Variants in VAV2 observed in about 807,000 individuals in gnomAD.
VAV2 encodes guanine nucleotide exchange factor VAV2.
Under a neutral mutation model 132.5 loss-of-function variants are expected in VAV2, and 67 were observed. The observed-to-expected ratio is 0.51, with a 90% confidence interval of 0.42 to 0.62. The LOEUF is 0.62. Ranked by LOEUF, VAV2 falls within the 20% of genes least tolerant of loss-of-function variation. VAV2 has a pLI of 0.00. For missense variants in VAV2, 938 were observed against 1,153.6 expected (o/e 0.81, Z 2.71); for synonymous variants, 492 against 443.5 (o/e 1.11, Z -1.37).
Position 133,834,768 on chromosome 9 carries a change from C to T in VAV2, c.381-428G>A, listed in dbSNP as rs1185194991. 2.0e-5 allele frequency among the ~76,000 whole-genome samples: 3 copies of T among 152,174 alleles called. No homozygotes were observed. Among genetic ancestry groups the T allele is most frequent in the Non-Finnish European group, 2.9e-5 (2 of 68,022 alleles). ...GTGGGAGGGCTGCCAGCTCAGTCCA[C>T]GCAGGAGAGGAAGCAGGAGGGGACT... is the stretch of plus-strand genomic sequence containing the variant. On this transcript the variant is annotated intron_variant, in intron 3 of 29. Transcript: ENST00000371850. The surrounding 1 kb of genome is among the most constrained non-coding windows in gnomAD (Gnocchi z 5.9).
In VAV2 at chr9:133,989,691, G is replaced by GA. The variant is rs1243396575; in HGVS notation, c.204+2383dup. Reference sequence around the variant, plus strand: ...CAGAGCAAGACTCCATCTCCAAAAAGAAAAAAAAAAGTGAGTTTCCCAGAA... The same window carrying GA: ...CAGAGCAAGACTCCATCTCCAAAAAGAAAAAAAAAAAGTGAGTTTCCCAGAA... On this transcript the variant is annotated intron_variant, in intron 1 of 29. Transcript: ENST00000371850. Among the ~76,000 whole-genome samples the GA allele has an allele frequency of 3.2e-3, 469 of 148,534 alleles. 1 individual carries two copies. The highest frequency in any genetic ancestry group is 0.011 in the African/African-American group (443 of 40,574).
chr9:133,887,754 C>G (rs1172922148), intron 2 of VAV2, among the ~76,000 whole-genome samples: 1 of 152,120 alleles, frequency 6.6e-6, no homozygotes, highest in Admixed American at 6.5e-5. Context: ...CGGCGATCAG[C>G]GAGGCCAGGA....
rs149290815 is a variant in VAV2 at position 133,950,041 on chromosome 9, C to T, written c.205-10822G>A. ...GAACCCCAGTGCTGGGGCTCCCACCCGCTGCCAGGGTCTGTCTGTCCACAG... is the reference window on the plus strand; with the variant it reads ...GAACCCCAGTGCTGGGGCTCCCACCTGCTGCCAGGGTCTGTCTGTCCACAG... On this transcript the variant is annotated intron_variant, in intron 1 of 29. Coordinates refer to ENST00000371850, the MANE Select transcript of VAV2 (RefSeq NM_001134398.2). Among the ~76,000 whole-genome samples, 1,021 of 152,296 alleles carry T rather than the reference C, an allele frequency of 6.7e-3. 9 individuals are homozygous for T. Among genetic ancestry groups the T allele is most frequent in the African/African-American group, 0.02 (832 of 41,564 alleles).
chr9:133,861,484 G>T (rs750975090), intron 2 of VAV2, 52 bp from the exon 3 acceptor site: 199 of 1,599,744 alleles, frequency 1.2e-4, no homozygotes, highest in Non-Finnish European at 1.6e-4. Context: ...AACCAGAAAG[G>T]CATCACAGAA....
Position 133,763,991 on chromosome 9 carries a change from G to T in VAV2, c.*71C>A. ...TATTTCCCCTCTGAGTCACAGAGGA[G>T]CTAGAGACAGACTTCAGGGCTGGAG... On this transcript the variant is annotated 3_prime_UTR_variant, in exon 30 of 30. Transcript: ENST00000371850. This position sits in a 1 kb window ranked among gnomAD's most constrained non-coding sequence, Gnocchi z 6.8. 1.9e-6 allele frequency: 3 copies of T among 1,573,788 alleles called. 1 individual carries two copies. In the South Asian group the frequency reaches 3.3e-5, roughly 17 times the overall value.
At position 133,768,508 on chromosome 9, in the gene VAV2, G is replaced by T. The variant is rs764709519; in HGVS notation, c.2523C>A (p.Asp841Glu). Residue 841 changes from aspartate (D) to glutamate (E), a missense_variant, in exon 29 of 30, where the codon GAC becomes GAA. Asp to Glu is a conservative substitution (Grantham distance 45). Coordinates refer to ENST00000371850, the MANE Select transcript of VAV2 (RefSeq NM_001134398.2). This position sits in a 1 kb window ranked among gnomAD's most constrained non-coding sequence, Gnocchi z 5.3. The stretch of plus-strand genomic sequence containing the variant: ...CGATGCGGCTGTAGATCCTCACCAC[G>T]TCACCCTCCCGCAGCGAAAGCTCCC... ...DMRELSLREG[D>E]VVRIYSRIGG... The T allele has an allele frequency of 1.2e-6, 2 of 1,613,932 alleles. No homozygotes were observed. The highest frequency in any genetic ancestry group is 3.3e-5 in the Admixed American group (2 of 60,004).
rs1491140269 is a variant in VAV2, at chr9:133,783,487, TGA to T, written c.1723+14_1723+15del. 1 of 1,489,964 alleles carries T rather than the reference TGA, an allele frequency of 6.7e-7. No individual in the cohort carries two copies. The highest frequency in any genetic ancestry group is 9.0e-7 in the Non-Finnish European group (1 of 1,116,598). The allele number at this position is 1,489,964 out of a possible 1,614,324, so 92.3% of individuals were successfully genotyped here. A position where few individuals can be genotyped will look rare whatever the true frequency, so the allele number is the denominator to read the frequency against. ...GTGGCCAGGGACTGGGGTGGGGGGG[TGA>T]GGGGGGTACTCACTGAACTTGCAGG... is the stretch of plus-strand genomic sequence containing the variant. On this transcript the variant is annotated intron_variant, in intron 19 of 29. Transcript: ENST00000371850.
intron 3 of VAV2, among the ~76,000 whole-genome samples, chr9:133,847,507 C>T (rs1398646218): frequency 6.6e-6 from 1 of 152,180 alleles, no homozygotes; most frequent in African/African-American, 2.4e-5. Flanking sequence ...CTGGTTTTCT[C>T]AGCTGTCAGA....
chr9:133,990,332 C>A (rs1842976641), intron 1 of VAV2, among the ~76,000 whole-genome samples: 1 of 152,182 alleles, frequency 6.6e-6, no homozygotes, highest in African/African-American at 2.4e-5. Flanking sequence ...CGTATTGCTG[C>A]CTGGCCAATG....
Position 133,826,363 on chromosome 9 carries a change from C to T in VAV2, c.449+7909G>A, listed in dbSNP as rs142323723. On this transcript the variant is annotated intron_variant, in intron 4 of 29. Coordinates refer to ENST00000371850, the MANE Select transcript of VAV2 (RefSeq NM_001134398.2). The surrounding 1 kb of genome is among the most constrained non-coding windows in gnomAD (Gnocchi z 4.2). ...TGGCCCCAGAATCTCCCTCCCCGCT[C>T]GCACTCAGGGGCAGCTCTCCCTTCA... Among the ~76,000 whole-genome samples, 663 of 152,330 alleles carry T rather than the reference C, an allele frequency of 4.4e-3. 3 individuals carry two copies. The highest frequency in any genetic ancestry group is 0.015 in the African/African-American group (623 of 41,564).
At chr9:133,869,099 C>T (rs752896834) in intron 2 of VAV2, among the ~76,000 whole-genome samples, 2 of 151,908 alleles carry the variant, frequency 1.3e-5, no homozygotes, top group Non-Finnish European at 2.9e-5. Context: ...CGGGCTCAAG[C>T]GATTCTCCCG....
intron 8 of VAV2, 141 bp downstream of exon 8, chr9:133,807,117 C>G: frequency 1.1e-6 from 1 of 932,878 alleles, no homozygotes; most frequent in Non-Finnish European, 1.5e-6. Flanking sequence ...GCGGTGGGGG[C>G]TCCTCCTTCC....
chr9:133,779,013 G>A (rs1833913366), intron 21 of VAV2, 124 bp from the exon 22 acceptor site: 8 of 1,248,920 alleles, frequency 6.4e-6, no homozygotes, highest in Non-Finnish European at 8.8e-6. Context: ...CCTTGCGCCT[G>A]CATCTCCCTT....
chr9:133,776,229 TG>T (rs1234506899), intron 23 of VAV2, 149 bp from the exon 24 acceptor site: 25 of 1,163,486 alleles, frequency 2.1e-5, no homozygotes, highest in Non-Finnish European at 2.9e-5. Flanking sequence ...GCCCCTGGCC[TG>T]GGAGGTGCCC....
rs555004448 is a variant in VAV2 at position 133,969,301 on chromosome 9, G to A, written c.204+22774C>T. Among the ~76,000 whole-genome samples, 12 of 152,302 alleles carry A rather than the reference G, an allele frequency of 7.9e-5. No homozygotes were observed. Among genetic ancestry groups the A allele is most frequent in the Admixed American group, 3.9e-4 (6 of 15,302 alleles). ...GGCATGGTAGAGAATACAACGAACA[G>A]GGAAGGAGGGAGGATCTGGAATTCA... On this transcript the variant is annotated intron_variant, in intron 1 of 29. Transcript: ENST00000371850. The surrounding 1 kb of genome is among the most constrained non-coding windows in gnomAD (Gnocchi z 5.1).
intron 1 of VAV2, among the ~76,000 whole-genome samples, chr9:133,943,639 C>G (rs1841253072): frequency 6.6e-6 from 1 of 152,202 alleles, no homozygotes; most frequent in Admixed American, 6.5e-5. Context: ...CTCCCCCAGG[C>G]TGGCGGCTAT....
intron 2 of VAV2, among the ~76,000 whole-genome samples, chr9:133,938,512 CATG>C (rs1319595842): frequency 9.7e-4 from 4 of 4,118 alleles, no homozygotes; most frequent in African/African-American, 1.2e-3. Flanking sequence ...CCGGCTCCTG[CATG>C]CAGGACTGGT....
intron 1 of VAV2, among the ~76,000 whole-genome samples, chr9:133,954,305 G>A (rs1378100964): frequency 2.6e-5 from 4 of 152,178 alleles, no homozygotes; most frequent in Admixed American, 1.3e-4. Context: ...GAGGGCCTGC[G>A]GCCCTGCATG....
intron 9 of VAV2, among the ~76,000 whole-genome samples, chr9:133,801,695 G>A (rs1271019363): frequency 1.3e-5 from 2 of 152,182 alleles, no homozygotes; most frequent in East Asian, 1.9e-4. Flanking sequence ...TGTAATGAAG[G>A]TAAGGACTGA....
Sources: allele counts gnomAD v4.1 joint callset (sites outside exome capture counted in the v4.1 genomes callset), GRCh38; gene constraint gnomAD v4.1.1; non-coding constraint Gnocchi (gnomAD v3.1); transcripts MANE v1.5; gene names NCBI Gene and HGNC (gene_info 2026-07-23, HGNC 2026-07-21).